Variants in DMD observed in about 807,000 individuals in gnomAD.
DMD encodes mutant dystrophin.
DMD carries 63 observed loss-of-function variants against 330.1 expected under a neutral mutation model. The observed-to-expected ratio is 0.19, with a 90% confidence interval of 0.16 to 0.24. The LOEUF (loss-of-function observed/expected upper bound fraction) is 0.24. Among genes scored for constraint, DMD ranks in the 10% least tolerant of loss-of-function variants. The pLI is 1.00. For synonymous variants in DMD, 1,223 were observed against 959.8 expected (o/e 1.27, Z -5.07); for missense variants, 3,344 against 2,684.1 (o/e 1.25, Z -5.43).
At chrX:32,189,498 A>C (rs1202397936) in intron 44 of DMD, among the ~76,000 whole-genome samples, 1 of 111,178 alleles carries the variant, frequency 9.0e-6, no homozygotes, top group East Asian at 2.8e-4. Context: ...AGAATCAAGT[A>C]AATGTGACAG....
intron 43 of DMD, among the ~76,000 whole-genome samples, chrX:32,280,089 ATATAG>A (rs1235746720): frequency 9.8e-6 from 1 of 102,347 alleles, no homozygotes; most frequent in Non-Finnish European, 2.0e-5. Flanking sequence ...ATCTATTTAT[ATATAG>A]TATATGTTTA....
intron 42 of DMD, among the ~76,000 whole-genome samples, chrX:32,296,090 G>T (rs1366995308): frequency 8.9e-6 from 1 of 112,131 alleles, no homozygotes; most frequent in African/African-American, 3.2e-5. Flanking sequence ...AAGTGCCAAA[G>T]TTCTATTATT....
At chrX:31,679,234 A>G in intron 53 of DMD, 141 bp downstream of exon 53, 3 of 579,063 alleles carry the variant, frequency 5.2e-6, no homozygotes, top group Non-Finnish European at 8.1e-6. Context: ...AAATAAATAT[A>G]CAAAGTCTAC....
At position 33,053,651 on chromosome X, in the gene DMD, T is replaced by A. The variant is rs112452714; in HGVS notation, c.32-33451A>T. The stretch of plus-strand genomic sequence containing the variant: ...AGAAAAAAAAATAGTTACTGTGGGA[T>A]GTTGAGATGACACACAAGAGATATT... On this transcript the variant is annotated intron_variant, in intron 1 of 78. Coordinates refer to ENST00000357033, the MANE Select transcript of DMD (RefSeq NM_004006.3). 6.7e-3 allele frequency among the ~76,000 whole-genome samples: 741 copies of A among 110,855 alleles called. 8 individuals are homozygous for A. Among genetic ancestry groups the A allele is most frequent in the African/African-American group, 0.023 (715 of 30,470 alleles).
At chrX:33,268,700 G>C (rs1470295829) in intron 1 of DMD, among the ~76,000 whole-genome samples, 1 of 111,341 alleles carries the variant, frequency 9.0e-6, no homozygotes. Flanking sequence ...GCTTAGGCAG[G>C]AGGATCATAT....
intron 9 of DMD, among the ~76,000 whole-genome samples, chrX:32,687,975 A>C (rs1346912108): frequency 8.9e-6 from 1 of 111,776 alleles, no homozygotes; most frequent in Non-Finnish European, 1.9e-5. Context: ...AATAAAACAT[A>C]AAAATAAAAA....
chrX:32,457,428 C>A (rs769013504), intron 25 of DMD, among the ~76,000 whole-genome samples: 8 of 110,674 alleles, frequency 7.2e-5, no homozygotes, highest in Non-Finnish European at 1.3e-4. Context: ...GGAGATATTA[C>A]AGAATAATTC....
intron 45 of DMD, among the ~76,000 whole-genome samples, chrX:31,941,724 C>G (rs903689241): frequency 9.0e-6 from 1 of 111,113 alleles, no homozygotes; most frequent in Non-Finnish European, 1.9e-5. Context: ...TTCTAGTAGT[C>G]CCCAATGTCT....
intron 76 of DMD, among the ~76,000 whole-genome samples, chrX:31,137,185 A>T (rs2035353073): frequency 9.1e-6 from 1 of 109,975 alleles, no homozygotes; most frequent in Admixed American, 9.7e-5. Context: ...CGCCTGGCTA[A>T]TTTTTTATAT....
chrX:31,573,344 T>C (rs1780600783), intron 55 of DMD, among the ~76,000 whole-genome samples: 1 of 112,084 alleles, frequency 8.9e-6, no homozygotes, highest in African/African-American at 3.2e-5. Flanking sequence ...TGTAGCTCTA[T>C]AACACTCAGA....
chrX:31,788,623 T>C (rs138671040), intron 50 of DMD, among the ~76,000 whole-genome samples: 3 of 111,605 alleles, frequency 2.7e-5, no homozygotes, highest in East Asian at 5.6e-4. Flanking sequence ...TGCATTCTTA[T>C]TGATTTTTTA....
chrX:32,720,074 A>G (rs2066127938), intron 7 of DMD, among the ~76,000 whole-genome samples: 2 of 111,105 alleles, frequency 1.8e-5, no homozygotes, highest in South Asian at 7.4e-4. Flanking sequence ...AGCAAACAAG[A>G]CAACATTACT....
chrX:32,390,130 T>C lies in DMD; in HGVS notation c.4285A>G (p.Lys1429Glu). The C allele has an allele frequency of 8.3e-7, 1 of 1,210,525 alleles. No homozygotes were observed. Among genetic ancestry groups the C allele is most frequent in the South Asian group, 1.8e-5 (1 of 56,975 alleles). Reference protein sequence around the residue: ...SHEISLEEMKKHNQGKEAAQR... With the variant: ...SHEISLEEMKEHNQGKEAAQR... ...GCAGCCTCCTTCCCCTGATTATGTT[T>C]CTTCATTTCTTCTAAACTGATCTCA... The change falls in exon 31 of 79, where the codon AAA becomes GAA. Residue 1429 changes from lysine (K) to glutamate (E), a missense_variant. Coordinates refer to ENST00000357033, the MANE Select transcript of DMD (RefSeq NM_004006.3).
At chrX:32,101,734 A>C (rs2096540549) in intron 44 of DMD, among the ~76,000 whole-genome samples, 1 of 111,600 alleles carries the variant, frequency 9.0e-6, no homozygotes, top group African/African-American at 3.3e-5. Context: ...CAGTAAGAAC[A>C]TTGCTTCTAT....
At chrX:32,647,573 G>A (rs1216090118) in intron 9 of DMD, among the ~76,000 whole-genome samples, 1 of 111,541 alleles carries the variant, frequency 9.0e-6, no homozygotes, top group Non-Finnish European at 1.9e-5. Flanking sequence ...TGCTGAAATT[G>A]ATGATATAGA....
chrX:31,685,724 C>T (rs1415006952), intron 52 of DMD, among the ~76,000 whole-genome samples: 16 of 112,081 alleles, frequency 1.4e-4, no homozygotes, highest in South Asian at 3.7e-4. Flanking sequence ...GAGAGATTTT[C>T]CTCAGCTTGC....
chrX:32,706,053 AG>A (rs1380251478), intron 7 of DMD, among the ~76,000 whole-genome samples: 1 of 108,820 alleles, frequency 9.2e-6, no homozygotes, highest in African/African-American at 3.4e-5. Flanking sequence ...GTCATAAAAA[AG>A]GATGAGTTCA....
At chrX:33,234,335 C>T (rs1467335006) in intron 1 of DMD, among the ~76,000 whole-genome samples, 1 of 110,999 alleles carries the variant, frequency 9.0e-6, no homozygotes, top group Non-Finnish European at 1.9e-5. Flanking sequence ...CAACCTCTAC[C>T]ACTTAATAGA....
intron 55 of DMD, among the ~76,000 whole-genome samples, chrX:31,546,667 A>T (rs1401377542): frequency 8.9e-6 from 1 of 111,927 alleles, no homozygotes; most frequent in Non-Finnish European, 1.9e-5. Flanking sequence ...TTGAATACCA[A>T]TTACCAGGGC....
Sources: gnomAD v4.1 joint callset for allele counts (sites outside exome capture counted in the v4.1 genomes callset) on GRCh38, gnomAD v4.1.1 for gene constraint, MANE v1.5 for transcripts, NCBI Gene and HGNC (gene_info 2026-07-23, HGNC 2026-07-21) for gene names.